Variants in RECQL5 observed in about 807,000 individuals in gnomAD.
The protein encoded by RECQL5 is ATP-dependent DNA helicase Q5.
A neutral mutation model predicts 103.4 loss-of-function variants in RECQL5; 88 were observed. The ratio of observed to expected loss-of-function variants is 0.85; its 90% CI spans 0.72 to 1.02. The LOEUF is 1.02. Among genes scored for constraint, RECQL5 ranks in the 50% least tolerant of loss-of-function variants. The pLI, the probability that RECQL5 is intolerant of heterozygous loss-of-function variation, is 0.00. For missense variants in RECQL5, 1,232 were observed against 1,284.3 expected (o/e 0.96, Z 0.62); for synonymous variants, 552 against 507.9 (o/e 1.09, Z -1.17).
intron 8 of RECQL5, chr17:75,650,029 GC>G (rs1178809942): frequency 1.2e-5 from 12 of 985,546 alleles, no homozygotes; most frequent in Admixed American, 6.1e-5. Context: ...GCCTCAGACA[GC>G]CCCAGAGCTT....
At position 75,633,477 on chromosome 17, in the gene RECQL5, C is replaced by T. The variant is rs1328113434; in HGVS notation, c.1230-1809G>A. ...CCCTCACCTCACAAGGAACATGAGG[C>T]GCCTTGCCGGGCGCGCAGGCCACTC... On this transcript the variant is annotated intron_variant, in intron 8 of 19. Coordinates refer to ENST00000317905, the MANE Select transcript of RECQL5 (RefSeq NM_004259.7). 16 of 1,288,984 alleles carry T rather than the reference C, an allele frequency of 1.2e-5. No homozygotes were observed. The Admixed American group carries it at 2.3e-4, about 19-fold the overall frequency. 79.8% of individuals were successfully genotyped at this position (1,288,984 alleles called of 1,614,324 possible). A position where few individuals can be genotyped will look rare whatever the true frequency, so the allele number is the denominator to read the frequency against.
chr17:75,631,490 G>C lies in RECQL5; in HGVS notation c.1408C>G (p.Leu470Val). Residue 470 changes from leucine (L) to valine (V), a missense_variant, in exon 9 of 20, where the codon CTG becomes GTG. Physicochemically the swap from Leu to Val is conservative, Grantham distance 32. Transcript: ENST00000317905. ...TAGCCCTTGCGGCCTCCCTCATACA[G>C]CTCGGGGTCAAAGCCGTTCCCCTGG... ...PSQGNGFDPE[L>V]YEGGRKGYGD... 6.2e-7 allele frequency: 1 copy of C among 1,613,262 alleles called. No individual in the cohort carries two copies. Among genetic ancestry groups the C allele is most frequent in the Non-Finnish European group, 8.5e-7 (1 of 1,179,978 alleles).
rs753556734 is a variant in RECQL5 at position 75,630,225 on chromosome 17, C to T, written c.1771G>A (p.Ala591Thr). 16 of 1,560,200 alleles carry T rather than the reference C, an allele frequency of 1.0e-5. No homozygotes were observed. The highest frequency in any genetic ancestry group is 5.8e-5 in the Admixed American group (3 of 51,956). The change falls in exon 14 of 20, where the codon GCC becomes ACC. Residue 591 changes from alanine (A) to threonine (T), a missense_variant. Coordinates refer to ENST00000317905, the MANE Select transcript of RECQL5 (RefSeq NM_004259.7). ...VELEHETFRN[A>T]KVANLYKASV... Reference sequence around the variant, plus strand: ...GCCTTGTAGAGGTTGGCCACCTTGGCGTTCCGGAATGTCTCATGTTCCAGC... The same window carrying T: ...GCCTTGTAGAGGTTGGCCACCTTGGTGTTCCGGAATGTCTCATGTTCCAGC...
At position 75,662,608 on chromosome 17, in the gene RECQL5, G is replaced by A; in HGVS notation, c.642C>T (p.Ala214=). The change falls in exon 4 of 20, where the codon GCC becomes GCT. Residue 214 remains alanine, a synonymous_variant. Transcript: ENST00000317905. ...CCCGGAAGCAGGGAGTCTTGAAGAT[G>A]GCAACTGGTTTCTTCAGGTGCAGGG... is the stretch of plus-strand genomic sequence containing the variant. The part of the protein sequence containing the change: ...FAALHLKKPV[A]IFKTPCFRAN... The A allele has an allele frequency of 1.9e-6, 3 of 1,614,170 alleles. No homozygotes were observed. The highest frequency in any genetic ancestry group is 2.5e-6 in the Non-Finnish European group (3 of 1,180,040).
rs1193139340 is a variant in RECQL5, at chr17:75,640,571, C to T, written c.1230-8903G>A. On this transcript the variant is annotated intron_variant, in intron 8 of 19. Transcript: ENST00000317905. This position sits in a 1 kb window ranked among gnomAD's most constrained non-coding sequence, Gnocchi z 4.6. ...ATCCCAAACGCGGGGATGACGGGAG[C>T]CAGGCTTGGGCAGTGAAAGAGAAGA... is the stretch of plus-strand genomic sequence containing the variant. 6.6e-6 allele frequency among the ~76,000 whole-genome samples: 1 copy of T among 152,090 alleles called. No homozygotes were observed. Among genetic ancestry groups the T allele is most frequent in the Non-Finnish European group, 1.5e-5 (1 of 68,016 alleles).
At position 75,640,913 on chromosome 17, in the gene RECQL5, T is replaced by C; in HGVS notation, c.1230-9245A>G. 6.5e-7 allele frequency: 1 copy of C among 1,540,544 alleles called. No individual in the cohort carries two copies. The highest frequency in any genetic ancestry group is 8.7e-7 in the Non-Finnish European group (1 of 1,146,354). On this transcript the variant is annotated intron_variant, in intron 8 of 19. Transcript: ENST00000317905. The surrounding 1 kb of genome is among the most constrained non-coding windows in gnomAD (Gnocchi z 4.6). ...ACCACCATGACGGACGGGCGATGGCTGAGGAGAAGCTGGAGAGGAGATGGC... is the reference window on the plus strand; with the variant it reads ...ACCACCATGACGGACGGGCGATGGCCGAGGAGAAGCTGGAGAGGAGATGGC...
At position 75,664,846 on chromosome 17, in the gene RECQL5, G is replaced by C. The variant is rs550926786; in HGVS notation, c.252+205C>G. On this transcript the variant is annotated intron_variant, in intron 3 of 19. Transcript: ENST00000317905. ...AAGAATTGCTGGAAGCCGGGAGGTG[G>C]AGGCTGCAGTGAGCCAAGATCGCAC... Among the ~76,000 whole-genome samples, 72 of 150,486 alleles carry C rather than the reference G, an allele frequency of 4.8e-4. 1 individual carries two copies. The South Asian group carries it at 0.014, about 30-fold the overall frequency.
Position 75,666,734 on chromosome 17 carries a change from A to C in RECQL5, c.-14-163T>G, listed in dbSNP as rs556016628. On this transcript the variant is annotated intron_variant, in intron 1 of 19. Coordinates refer to ENST00000317905, the MANE Select transcript of RECQL5 (RefSeq NM_004259.7). Reference sequence around the variant, plus strand: ...GAAGGTGAACTGCCTCAAGCAATACATTCCTCAGTAATTAACATCTCCACT... The same window carrying C: ...GAAGGTGAACTGCCTCAAGCAATACCTTCCTCAGTAATTAACATCTCCACT... The C allele has an allele frequency of 1.1e-4, 75 of 653,044 alleles. 1 individual carries two copies. In the South Asian group the frequency reaches 1.3e-3, roughly 12 times the overall value. The allele number at this position is 653,044 out of a possible 1,614,324, so 40.5% of individuals were successfully genotyped here.
intron 8 of RECQL5, chr17:75,650,722 C>T: frequency 6.2e-7 from 1 of 1,612,888 alleles, no homozygotes; most frequent in Middle Eastern, 1.7e-4. Flanking sequence ...CCATCGCCTG[C>T]AGATGCAGGT....
chr17:75,629,730 G>A lies in RECQL5; in HGVS notation c.1925C>T (p.Pro642Leu). Residue 642 changes from proline (P) to leucine (L), a missense_variant, in exon 15 of 20, where the codon CCA (proline) becomes CTA (leucine). Pro to Leu is a moderately conservative substitution (Grantham distance 98, BLOSUM62 -3). Coordinates refer to ENST00000317905, the MANE Select transcript of RECQL5 (RefSeq NM_004259.7). ...EPPEPNEYDI[P>L]PASHVYSLKP... is the part of the protein sequence containing the mutation. ...CACCGAGTACACATGGGAGGCTGGT[G>A]GAATGTCATACTCATTGGGCTCCGG... 1.2e-6 allele frequency: 2 copies of A among 1,612,306 alleles called. No individual in the cohort carries two copies. The highest frequency in any genetic ancestry group is 1.1e-5 in the South Asian group (1 of 90,972).
chr17:75,663,094 C>T (rs2059720782), intron 3 of RECQL5, 97 bp from the exon 4 acceptor site: 41 of 1,161,738 alleles, frequency 3.5e-5, no homozygotes, highest in Non-Finnish European at 4.8e-5. Context: ...CTGTCCTCCT[C>T]CCACCCTCCA....
At chr17:75,650,130 A>G (rs1455371349) in intron 8 of RECQL5, 1 of 986,238 alleles carries the variant, frequency 1.0e-6, no homozygotes, top group Non-Finnish European at 1.2e-6. Flanking sequence ...AAGCCTAAGA[A>G]GGCCAAATTT....
chr17:75,651,383 AG>A (rs2059553987), intron 7 of RECQL5, 118 bp from the exon 8 acceptor site: 2 of 1,130,376 alleles, frequency 1.8e-6, no homozygotes, highest in Non-Finnish European at 2.6e-6. Flanking sequence ...GCACTTTGGG[AG>A]GCTGAGCCAG....
chr17:75,641,088 C>T (rs1432561730), intron 8 of RECQL5: 1 of 1,023,776 alleles, frequency 9.8e-7, no homozygotes, highest in African/African-American at 1.6e-5. Flanking sequence ...TAGGTGCAAA[C>T]CTCTCATCTG....
At chr17:75,646,940 C>T (rs1412611038) in intron 8 of RECQL5, among the ~76,000 whole-genome samples, 4 of 152,202 alleles carry the variant, frequency 2.6e-5, no homozygotes, top group African/African-American at 9.7e-5. Context: ...GGCCCCTCCT[C>T]GGCTCCTATA....
intron 13 of RECQL5, 72 bp from the exon 14 acceptor site, chr17:75,630,349 C>G: frequency 1.5e-6 from 2 of 1,360,964 alleles, no homozygotes; most frequent in Non-Finnish European, 2.0e-6. Flanking sequence ...TCTTGCGGGA[C>G]TCCAGGCCTG....
intron 6 of RECQL5, among the ~76,000 whole-genome samples, chr17:75,659,923 C>A (rs898588355): frequency 6.6e-6 from 1 of 152,162 alleles, no homozygotes; most frequent in Non-Finnish European, 1.5e-5. Flanking sequence ...CTGGGATGCA[C>A]CCCGACTCTT....
chr17:75,657,036 G>A (rs574339605), intron 7 of RECQL5, among the ~76,000 whole-genome samples: 145 of 152,076 alleles, frequency 9.5e-4, no homozygotes, highest in Non-Finnish European at 1.1e-3. Context: ...AAGCCATCGC[G>A]CCCGGCCCCT....
At chr17:75,638,078 G>C (rs1027801927) in intron 8 of RECQL5, 7 of 152,188 alleles carry the variant, frequency 4.6e-5, no homozygotes, top group Non-Finnish European at 5.9e-5. Flanking sequence ...CTCCAGGTGA[G>C]GTGTGAGAAG....
Sources: allele counts gnomAD v4.1 joint callset (sites outside exome capture counted in the v4.1 genomes callset), GRCh38; gene constraint gnomAD v4.1.1; non-coding constraint Gnocchi (gnomAD v3.1); transcripts MANE v1.5; gene names NCBI Gene and HGNC (gene_info 2026-07-23, HGNC 2026-07-21).